RELN: variants seen among roughly 807,000 people sequenced by gnomAD.
RELN encodes reelin.
In RELN, 108 loss-of-function variants were observed where a neutral mutation model predicts 427.6. The ratio of observed to expected loss-of-function variants is 0.25; its 90% CI spans 0.22 to 0.30. The LOEUF (loss-of-function observed/expected upper bound fraction) is 0.30. RELN is among the 10% of genes least tolerant of loss of function. RELN has a pLI of 1.00. For missense variants in RELN, 3,715 were observed against 4,302.8 expected (o/e 0.86, Z 3.82); for synonymous variants, 1,524 against 1,513.4 (o/e 1.01, Z -0.16).
chr7:103,746,407 A>G (rs2116046740), intron 6 of RELN, among the ~76,000 whole-genome samples: 1 of 152,284 alleles, frequency 6.6e-6, no homozygotes, highest in Non-Finnish European at 1.5e-5. Flanking sequence ...AAAAGTCAAA[A>G]TTGACAAATG....
chr7:103,701,942 A>G (rs1164661190), intron 8 of RELN, among the ~76,000 whole-genome samples: 1 of 152,224 alleles, frequency 6.6e-6, no homozygotes, highest in Non-Finnish European at 1.5e-5. Flanking sequence ...AGGGGTTCCA[A>G]GCTTTAATCA....
chr7:103,561,562 G>A lies in RELN; in HGVS notation c.5499C>T (p.Ile1833=), dbSNP rs1425838077. The change falls in exon 36 of 65, where the codon ATC becomes ATT. Residue 1833 remains isoleucine, a synonymous_variant. Coordinates refer to ENST00000428762, the MANE Select transcript of RELN (RefSeq NM_005045.4). ...AERGNLNGET[I]KSGTSLIFKG... is the part of the protein sequence containing the mutation. Reference sequence around the variant, plus strand: ...TAAAAATTAGAGATGTTCCAGATTTGATGGTTTCACCATTCAGATTCCCCC... The same window carrying A: ...TAAAAATTAGAGATGTTCCAGATTTAATGGTTTCACCATTCAGATTCCCCC... 3 of 1,613,706 alleles carry A rather than the reference G, an allele frequency of 1.9e-6. No homozygotes were observed. The highest frequency in any genetic ancestry group is 3.3e-5 in the Admixed American group (2 of 59,986).
intron 2 of RELN, among the ~76,000 whole-genome samples, chr7:103,853,149 T>C (rs1407280993): frequency 2.0e-5 from 3 of 151,982 alleles, no homozygotes; most frequent in Non-Finnish European, 2.9e-5. Context: ...GCGGGGAAAA[T>C]AGACAAACTC....
At chr7:103,740,995 A>G (rs867560182) in intron 6 of RELN, among the ~76,000 whole-genome samples, 9 of 152,202 alleles carry the variant, frequency 5.9e-5, no homozygotes, top group African/African-American at 2.2e-4. Flanking sequence ...GGTGTGTGGC[A>G]GTGGCATAGG....
chr7:103,714,495 T>A (rs1487603609), intron 8 of RELN, among the ~76,000 whole-genome samples: 1 of 152,062 alleles, frequency 6.6e-6, no homozygotes, highest in Non-Finnish European at 1.5e-5. Context: ...TGCGGTTGAG[T>A]CAACGGTCTG....
At chr7:103,578,223 TTATAGATCCTAAGGCTTC>T (rs1175005315) in intron 28 of RELN, among the ~76,000 whole-genome samples, 1 of 152,194 alleles carries the variant, frequency 6.6e-6, no homozygotes, top group African/African-American at 2.4e-5. Context: ...TTGTTTGCAG[TTATAGATCCTAAGGCTTC>T]TATAGACCCA....
chr7:103,877,945 T>C (rs908553331), intron 2 of RELN, among the ~76,000 whole-genome samples: 1 of 148,572 alleles, frequency 6.7e-6, no homozygotes, highest in Non-Finnish European at 1.5e-5. Flanking sequence ...GACCTCTGCC[T>C]CCTGACTTCA....
chr7:103,633,951 T>C (rs1282269170), intron 19 of RELN, among the ~76,000 whole-genome samples: 2 of 152,142 alleles, frequency 1.3e-5, no homozygotes, highest in African/African-American at 4.8e-5. Context: ...TTTTTACCTG[T>C]ACAGGGAAAA....
At chr7:103,722,033 T>G (rs1035700729) in intron 8 of RELN, among the ~76,000 whole-genome samples, 1 of 152,186 alleles carries the variant, frequency 6.6e-6, no homozygotes, top group Non-Finnish European at 1.5e-5. Flanking sequence ...TTATTTTTGT[T>G]TTTTCTAACA....
intron 2 of RELN, among the ~76,000 whole-genome samples, chr7:103,904,448 T>A (rs890191756): frequency 6.6e-6 from 1 of 152,184 alleles, no homozygotes; most frequent in African/African-American, 2.4e-5. Context: ...TCCACAATGG[T>A]TGAACTAACT....
intron 9 of RELN, among the ~76,000 whole-genome samples, chr7:103,699,509 G>T (rs1317187236): frequency 6.6e-6 from 1 of 152,098 alleles, no homozygotes; most frequent in African/African-American, 2.4e-5. Context: ...GTACCATTTA[G>T]TGAAAAATAG....
At chr7:103,850,174 G>A (rs1275062714) in intron 2 of RELN, among the ~76,000 whole-genome samples, 1 of 152,170 alleles carries the variant, frequency 6.6e-6, no homozygotes, top group Non-Finnish European at 1.5e-5. Context: ...AAACTTTGTT[G>A]AAAAGACATT....
chr7:103,738,502 G>C (rs776542035), intron 6 of RELN, among the ~76,000 whole-genome samples: 3 of 151,614 alleles, frequency 2.0e-5, no homozygotes, highest in Non-Finnish European at 2.9e-5. Context: ...ATCCTCTCAT[G>C]ATATACAACA....
intron 1 of RELN, among the ~76,000 whole-genome samples, chr7:103,941,206 C>T (rs1796107483): frequency 6.6e-6 from 1 of 152,154 alleles, no homozygotes; most frequent in African/African-American, 2.4e-5. Flanking sequence ...AGAGTTTTAA[C>T]ACATCTAGAA....
At chr7:103,857,410 T>C (rs1442520586) in intron 2 of RELN, among the ~76,000 whole-genome samples, 1 of 152,214 alleles carries the variant, frequency 6.6e-6, no homozygotes, top group African/African-American at 2.4e-5. Context: ...GAAGTTGAAT[T>C]GCCCTCTTTT....
At position 103,540,361 on chromosome 7, in the gene RELN, G is replaced by A. The variant is rs1267127871; in HGVS notation, c.6766C>T (p.Leu2256Phe). The change falls in exon 44 of 65, where the codon CTC (leucine) becomes TTC (phenylalanine). Residue 2256 changes from leucine to phenylalanine, a missense_variant. Coordinates refer to ENST00000428762, the MANE Select transcript of RELN (RefSeq NM_005045.4). ...VLLQYSLNGG[L>F]SWSLLQEFLF... ...AACTCCTGAAGAAGACTCCACGAGA[G>A]GCCACCGTTGAGAGAATACTGTAGG... is the stretch of plus-strand genomic sequence containing the variant. The A allele has an allele frequency of 1.9e-6, 3 of 1,614,028 alleles. No homozygotes were observed. Among genetic ancestry groups the A allele is most frequent in the African/African-American group, 2.7e-5 (2 of 74,910 alleles).
intron 64 of RELN, among the ~76,000 whole-genome samples, chr7:103,473,507 A>C (rs567652859): frequency 3.1e-4 from 47 of 152,304 alleles, no homozygotes; most frequent in African/African-American, 1.1e-3. Context: ...GTTATATTTT[A>C]TAAACGTGGC....
In RELN at chr7:103,572,250, A is replaced by G. The variant is rs768508372; in HGVS notation, c.4522T>C (p.Phe1508Leu). ...GTTTTGCTTCCAATTTGTATATAAAATTGAACAAGTCTGGGGAATAAAAAC... is the reference window on the plus strand; with the variant it reads ...GTTTTGCTTCCAATTTGTATATAAAGTTGAACAAGTCTGGGGAATAAAAAC... ...LDTRNIRLVQ[F>L]YIQIGSKTSG... Residue 1508 changes from phenylalanine (F) to leucine (L), a missense_variant, in exon 31 of 65, where the codon TTT becomes CTT. Phe to Leu is a conservative substitution (Grantham distance 22, BLOSUM62 0). Transcript: ENST00000428762. 1 of 1,567,432 alleles carries G rather than the reference A, an allele frequency of 6.4e-7. No individual in the cohort carries two copies. The highest frequency in any genetic ancestry group is 1.1e-5 in the South Asian group (1 of 90,108).
intron 2 of RELN, among the ~76,000 whole-genome samples, chr7:103,910,404 T>G: frequency 6.6e-6 from 1 of 151,646 alleles, no homozygotes; most frequent in East Asian, 2.0e-4. Context: ...TACCCTTTAT[T>G]TCCTTCTCCT....
Sources: gnomAD v4.1 joint callset for allele counts (sites outside exome capture counted in the v4.1 genomes callset) on GRCh38, gnomAD v4.1.1 for gene constraint, MANE v1.5 for transcripts, NCBI Gene and HGNC (gene_info 2026-07-23, HGNC 2026-07-21) for gene names.